EPB41: variants seen among roughly 807,000 people sequenced by gnomAD.
The protein encoded by EPB41 is erythrocyte membrane protein band 4.1.
In EPB41, 65 loss-of-function variants were observed where a neutral mutation model predicts 108.0. The observed-to-expected ratio is 0.60, with a 90% confidence interval of 0.49 to 0.74. The LOEUF (loss-of-function observed/expected upper bound fraction) is 0.74, where lower values mean the gene tolerates loss of function less well. Ranked by LOEUF, EPB41 falls within the 30% of genes least tolerant of loss-of-function variation. EPB41 has a pLI of 0.00. For missense variants in EPB41, 875 were observed against 1,037.0 expected, an observed-to-expected ratio of 0.84 and a Z score of 2.15; for synonymous variants, 336 against 358.9, an observed-to-expected ratio of 0.94 and a Z score of 0.72.
At chr1:28,964,249 G>C (rs2095303351) in intron 1 of EPB41, among the ~76,000 whole-genome samples, 1 of 152,132 alleles carries the variant, frequency 6.6e-6, no homozygotes, top group African/African-American at 2.4e-5. Flanking sequence ...GACCACTGTG[G>C]CCTGTCCAAC....
intron 1 of EPB41, among the ~76,000 whole-genome samples, chr1:28,967,013 C>CTTTTTTTTTTTTTTT: frequency 1.2e-5 from 1 of 85,368 alleles, no homozygotes; most frequent in Non-Finnish European, 2.1e-5. Context: ...ATATGAGAAC[C>CTTTTTTTTTTTTTTT]TTTTTTTTTT....
chr1:28,979,785 C>A (rs1174609754), intron 1 of EPB41, among the ~76,000 whole-genome samples: 1 of 151,436 alleles, frequency 6.6e-6, no homozygotes, highest in South Asian at 2.1e-4. Context: ...AACTAATCTA[C>A]TAGTTTATGT....
At chr1:28,943,121 C>T (rs902660246) in intron 1 of EPB41, among the ~76,000 whole-genome samples, 5 of 151,902 alleles carry the variant, frequency 3.3e-5, no homozygotes, top group Non-Finnish European at 5.9e-5. Flanking sequence ...ACTTATATAC[C>T]AGGAGTGTGG....
intron 2 of EPB41, 121 bp downstream of exon 2, chr1:28,988,026 G>A (rs1010237365): frequency 9.7e-7 from 1 of 1,029,230 alleles, no homozygotes; most frequent in Non-Finnish European, 1.5e-6. Context: ...ACTTTGGGAG[G>A]CCGAGGCAGG....
intron 2 of EPB41, chr1:28,989,471 A>G: frequency 1.2e-6 from 1 of 824,678 alleles, no homozygotes; most frequent in Non-Finnish European, 1.5e-6. Context: ...TGTTGGGGGG[A>G]AAAAAGTAAA....
chr1:28,970,916 C>T (rs907851752), intron 1 of EPB41, among the ~76,000 whole-genome samples: 16 of 151,778 alleles, frequency 1.1e-4, no homozygotes, highest in African/African-American at 1.7e-4. Context: ...GGTGCGATCT[C>T]GGCTCACTGC....
At chr1:28,907,215 C>A (rs545645075) in intron 1 of EPB41, among the ~76,000 whole-genome samples, 3 of 151,780 alleles carry the variant, frequency 2.0e-5, no homozygotes, top group Non-Finnish European at 4.4e-5. Flanking sequence ...CAGGTGCCCG[C>A]GACCACACCC....
chr1:28,958,544 G>A (rs1462431262), intron 1 of EPB41, among the ~76,000 whole-genome samples: 1 of 152,042 alleles, frequency 6.6e-6, no homozygotes, highest in Admixed American at 6.6e-5. Context: ...GGGCACAGTA[G>A]CTCACGTCTG....
intron 16 of EPB41, among the ~76,000 whole-genome samples, chr1:29,092,894 T>A (rs1426671863): frequency 3.3e-5 from 5 of 152,230 alleles, no homozygotes; most frequent in African/African-American, 1.2e-4. Flanking sequence ...CGTTCTTTTT[T>A]ATGGCTGCAT....
At chr1:29,033,042 T>C (rs952062849) in intron 8 of EPB41, 51 bp from the exon 9 acceptor site, 1 of 1,549,392 alleles carries the variant, frequency 6.5e-7, no homozygotes, top group Admixed American at 1.7e-5. Flanking sequence ...TAGTCAACAG[T>C]GTATTGAGTA....
intron 1 of EPB41, among the ~76,000 whole-genome samples, chr1:28,960,888 G>A (rs2095183576): frequency 1.3e-5 from 2 of 151,812 alleles, no homozygotes; most frequent in Non-Finnish European, 2.9e-5. Context: ...CAAAAAATTA[G>A]CCAGGCATGG....
intron 11 of EPB41, among the ~76,000 whole-genome samples, chr1:29,042,773 CT>C (rs557935654): frequency 1.4e-3 from 209 of 144,344 alleles, no homozygotes; most frequent in African/African-American, 1.8e-3. Flanking sequence ...CACCCCCCAA[CT>C]TTTTTTTTTT....
chr1:29,000,084 T>G (rs547933893), intron 4 of EPB41, among the ~76,000 whole-genome samples: 1 of 151,470 alleles, frequency 6.6e-6, no homozygotes, highest in South Asian at 2.1e-4. Flanking sequence ...CCACTATGCC[T>G]TGCCACTATT....
intron 1 of EPB41, among the ~76,000 whole-genome samples, chr1:28,948,671 C>T (rs1006813073): frequency 2.0e-5 from 3 of 151,928 alleles, no homozygotes; most frequent in Admixed American, 6.6e-5. Flanking sequence ...ATTTATGAGC[C>T]GGACGCTGTG....
At chr1:28,929,843 C>CTTTTTT (rs56337991) in intron 1 of EPB41, among the ~76,000 whole-genome samples, 1,866 of 101,628 alleles carry the variant, frequency 0.018, 38 homozygotes, top group East Asian at 0.12. Context: ...ACTGGGCCTT[C>CTTTTTT]TTTTTTTTTT....
At chr1:28,966,506 ATGGAGTTTACATTCTAG>A (rs1557845425) in intron 1 of EPB41, among the ~76,000 whole-genome samples, 1 of 152,202 alleles carries the variant, frequency 6.6e-6, no homozygotes, top group East Asian at 1.9e-4. Flanking sequence ...CTTTGCTCCA[ATGGAGTTTACATTCTAG>A]TGGGGGTAGA....
Position 29,058,655 on chromosome 1 carries a change from A to G in EPB41, c.1902+10A>G, listed in dbSNP as rs1394150413. The G allele has an allele frequency of 1.2e-6, 2 of 1,612,424 alleles. No individual in the cohort carries two copies. Among genetic ancestry groups the G allele is most frequent in the Non-Finnish European group, 8.5e-7 (1 of 1,179,096 alleles). ...TGGTGACCAAACACAGGTTTGTGCC[A>G]ATAGGCCACTTGTTCCTCTTTCCCT... On this transcript the variant is annotated intron_variant, in intron 13 of 20. Transcript: ENST00000343067.
intron 1 of EPB41, among the ~76,000 whole-genome samples, chr1:28,894,701 G>A (rs2090478115): frequency 2.0e-5 from 3 of 152,082 alleles, no homozygotes; most frequent in Admixed American, 2.0e-4. Context: ...CCTGGACAAG[G>A]CATGCTCTTC....
At chr1:29,070,426 T>A in intron 16 of EPB41, 1 of 1,232,166 alleles carries the variant, frequency 8.1e-7, no homozygotes. Context: ...AAAGATCTAC[T>A]GAAAGAGCCT....
Sources: gnomAD v4.1 joint callset for allele counts (sites outside exome capture counted in the v4.1 genomes callset) on GRCh38, gnomAD v4.1.1 for gene constraint, MANE v1.5 for transcripts, NCBI Gene and HGNC (gene_info 2026-07-23, HGNC 2026-07-21) for gene names.